Variants in TDRD1 observed in about 807,000 individuals in gnomAD.
The protein encoded by TDRD1 is tudor domain-containing protein 1.
In TDRD1, 37 loss-of-function variants were observed where a neutral mutation model predicts 140.6. The observed-to-expected ratio is 0.26, with a 90% CI of 0.20 to 0.35. The LOEUF (loss-of-function observed/expected upper bound fraction) is 0.35. TDRD1 is among the 10% of genes least tolerant of loss of function. TDRD1 has a pLI of 1.00. For synonymous variants in TDRD1, 506 were observed against 475.7 expected (o/e 1.06, Z -0.83); for missense variants, 1,243 against 1,393.0 (o/e 0.89, Z 1.71).
In TDRD1 at chr10:114,222,719, G is replaced by T. The variant is rs775551035; in HGVS notation, c.3007+16G>T. 10 of 1,443,774 alleles carry T rather than the reference G, an allele frequency of 6.9e-6. No individual in the cohort carries two copies. The highest frequency in any genetic ancestry group is 9.7e-6 in the Non-Finnish European group (10 of 1,033,180). The allele number at this position is 1,443,774 out of a possible 1,614,324, so 89.4% of individuals were successfully genotyped here. On this transcript the variant is annotated intron_variant, in intron 21 of 25. Transcript: ENST00000251864. ...AAATACACAAGTAAGGTTCTTTTAG[G>T]GAAAATATTTGAGGGAAGGTATTTA...
intron 25 of TDRD1, among the ~76,000 whole-genome samples, chr10:114,229,853 GAC>G (rs1264717147): frequency 6.3e-5 from 9 of 143,616 alleles, no homozygotes; most frequent in Admixed American, 2.1e-4. Flanking sequence ...TTTTTTTTGA[GAC>G]AGTCTCGCTC....
chr10:114,188,097 C>T lies in TDRD1; in HGVS notation c.266C>T (p.Pro89Leu), dbSNP rs139938740. The change falls in exon 2 of 26, where the codon CCG (proline) becomes CTG (leucine). Residue 89 changes from proline (P) to leucine (L), a missense_variant. By Grantham distance (98) the Pro-to-Leu change is moderately conservative (BLOSUM62 -3). Around this residue, in one of 5 missense-constraint regions of TDRD1, gnomAD observed 237 missense variants for 215.5 expected, o/e 1.10. Transcript: ENST00000251864. ...GAAGACAATTCAGTTTCTTCAAACC[C>T]GAATGGCATCAACGGAGAAGTAGTT... The T allele has an allele frequency of 2.3e-4, 373 of 1,611,568 alleles. No individual in the cohort carries two copies. Among genetic ancestry groups the T allele is most frequent in the Non-Finnish European group, 2.9e-4 (337 of 1,178,788 alleles).
intron 25 of TDRD1, among the ~76,000 whole-genome samples, chr10:114,230,261 A>G (rs550751548): frequency 1.3e-5 from 2 of 152,364 alleles, no homozygotes; most frequent in African/African-American, 4.8e-5. Context: ...TTGTTTCTTG[A>G]TAGATTTAAG....
At chr10:114,199,408 T>C (rs551972731) in intron 4 of TDRD1, 91 bp downstream of exon 4, 3 of 1,480,430 alleles carry the variant, frequency 2.0e-6, no homozygotes, top group African/African-American at 1.4e-5. Flanking sequence ...TTAAGTGTAA[T>C]TAGAACAGTG....
intron 3 of TDRD1, among the ~76,000 whole-genome samples, chr10:114,195,454 T>C (rs1487814765): frequency 6.6e-6 from 1 of 152,194 alleles, no homozygotes; most frequent in African/African-American, 2.4e-5. Flanking sequence ...TCCTTAGTTG[T>C]CTATTTTCAA....
At chr10:114,220,094 G>T (rs1367355010) in intron 18 of TDRD1, among the ~76,000 whole-genome samples, 2 of 152,174 alleles carry the variant, frequency 1.3e-5, no homozygotes, top group Non-Finnish European at 2.9e-5. Context: ...TGAGATACAT[G>T]TTCAAGTTTG....
chr10:114,187,608 T>TAA (rs2033637927), intron 1 of TDRD1, among the ~76,000 whole-genome samples: 2 of 152,232 alleles, frequency 1.3e-5, no homozygotes, highest in Admixed American at 1.3e-4. Flanking sequence ...TTTCATGAGT[T>TAA]GGTCTGTTGA....
chr10:114,188,992 G>A (rs1314812633), intron 2 of TDRD1, among the ~76,000 whole-genome samples: 4 of 151,852 alleles, frequency 2.6e-5, no homozygotes, highest in Non-Finnish European at 5.9e-5. Flanking sequence ...CAGAATGTGC[G>A]CTTGGGCCTC....
At chr10:114,209,553 C>T (rs1487586792) in intron 11 of TDRD1, among the ~76,000 whole-genome samples, 1 of 152,200 alleles carries the variant, frequency 6.6e-6, no homozygotes, top group East Asian at 1.9e-4. Context: ...GAGCCTATCT[C>T]TTAACTTTTA....
At chr10:114,222,436 T>G (rs566772644) in intron 20 of TDRD1, 151 bp from the exon 21 acceptor site, 19 of 342,074 alleles carry the variant, frequency 5.6e-5, no homozygotes, top group African/African-American at 4.1e-4. Flanking sequence ...TATTTTCAAG[T>G]ATCATGTATA....
At chr10:114,188,283 C>A in intron 2 of TDRD1, 127 bp downstream of exon 2, 2 of 781,068 alleles carry the variant, frequency 2.6e-6, no homozygotes, top group Non-Finnish European at 3.8e-6. Flanking sequence ...ACCGTATTTG[C>A]ATTTCATTAT....
upstream of TDRD1, among the ~76,000 whole-genome samples, chr10:114,178,650 G>T (rs188262801): frequency 2.0e-5 from 3 of 152,154 alleles, no homozygotes; most frequent in Non-Finnish European, 4.4e-5. Context: ...GTGAACAAAC[G>T]TGGCTTTTTC....
At chr10:114,204,259 G>A (rs2034958324) in intron 9 of TDRD1, 43 bp downstream of exon 9, 1 of 1,548,030 alleles carries the variant, frequency 6.5e-7, no homozygotes, top group African/African-American at 1.4e-5. Context: ...GTGTCCCAAA[G>A]GAGCTGTTGT....
chr10:114,194,676 T>C (rs1483233989), intron 3 of TDRD1, among the ~76,000 whole-genome samples: 1 of 151,882 alleles, frequency 6.6e-6, no homozygotes, highest in Non-Finnish European at 1.5e-5. Flanking sequence ...TTATCTTTAT[T>C]ATCTCTTCTG....
Position 114,204,703 on chromosome 10 carries a change from C to A in TDRD1, c.1126-19C>A. ...TTTAAATGGTAATTTTTGTAAGTAA[C>A]CTGCGTAAAATTTTTCAGGCCATAA... On this transcript the variant is annotated intron_variant, in intron 9 of 25. Transcript: ENST00000251864. The A allele has an allele frequency of 1.9e-6, 3 of 1,563,642 alleles. No homozygotes were observed. The highest frequency in any genetic ancestry group is 2.6e-6 in the Non-Finnish European group (3 of 1,165,118).
At chr10:114,184,827 G>C (rs2033388806) in intron 1 of TDRD1, among the ~76,000 whole-genome samples, 1 of 151,892 alleles carries the variant, frequency 6.6e-6, no homozygotes, top group East Asian at 1.9e-4. Flanking sequence ...TTCACCTGTG[G>C]CTATTGCAGT....
intron 3 of TDRD1, among the ~76,000 whole-genome samples, chr10:114,196,676 A>G (rs1027315455): frequency 1.8e-4 from 27 of 151,806 alleles, no homozygotes; most frequent in Non-Finnish European, 3.7e-4. Context: ...CCCCCCATAC[A>G]GGTAAGGGAT....
At chr10:114,231,708 C>T (rs532116408) in exon 26 of TDRD1, 10 of 511,158 alleles carry the variant, frequency 2.0e-5, no homozygotes, top group South Asian at 1.0e-4. Context: ...ATAAATATTA[C>T]GTAAAAAATT....
intron 11 of TDRD1, among the ~76,000 whole-genome samples, chr10:114,208,263 A>G (rs977852484): frequency 6.6e-6 from 1 of 152,238 alleles, no homozygotes; most frequent in Admixed American, 6.5e-5. Context: ...TCTGAAGCCA[A>G]CATAGAGAAT....
Sources: allele counts gnomAD v4.1 joint callset (sites outside exome capture counted in the v4.1 genomes callset), GRCh38; gene constraint gnomAD v4.1.1; regional missense constraint gnomAD v4.1.1; transcripts MANE v1.5; gene names NCBI Gene and HGNC (gene_info 2026-07-23, HGNC 2026-07-21).